LARGE1: variants seen among roughly 807,000 people sequenced by gnomAD.
LARGE1 encodes LARGE xylosyl- and glucuronyltransferase 1, also known as xylosyl- and glucuronyltransferase LARGE1.
Under a neutral mutation model 87.6 loss-of-function variants are expected in LARGE1, and 43 were observed. The ratio of observed to expected loss-of-function variants is 0.49; its 90% confidence interval spans 0.38 to 0.63. The LOEUF (loss-of-function observed/expected upper bound fraction) is 0.63. Among genes scored for constraint, LARGE1 ranks in the 30% least tolerant of loss-of-function variants. The pLI is 0.00. For missense variants in LARGE1, 802 were observed against 1,000.2 expected, an observed-to-expected ratio of 0.80 and a Z score of 2.67; for synonymous variants, 434 against 394.6, an observed-to-expected ratio of 1.10 and a Z score of -1.18.
intron 1 of LARGE1, among the ~76,000 whole-genome samples, 191 bp from the exon 2 acceptor site, chr22:33,761,749 T>A (rs998565216): frequency 6.6e-6 from 1 of 151,860 alleles, no homozygotes; most frequent in Non-Finnish European, 1.5e-5. Flanking sequence ...AATAAGTAAA[T>A]AACAAAAACT....
rs1198405646 is a variant in LARGE1 at position 33,920,455 on chromosome 22, G to A, written c.-543C>T. On this transcript the variant is annotated 5_prime_UTR_variant, in exon 1 of 15. Transcript: ENST00000397394. ...GCTTCGGGCGCCCGGGCTCCGGCGC[G>A]GCGGCGGGGCAGGAGCAGACTGGCC... 2 of 147,756 alleles carry A rather than the reference G, an allele frequency of 1.4e-5. No homozygotes were observed. The highest frequency in any genetic ancestry group is 3.0e-5 in the Non-Finnish European group (2 of 66,604). The allele number at this position is 147,756 out of a possible 1,614,324, so 9.2% of individuals were successfully genotyped here.
In LARGE1 at chr22:33,278,525, T is replaced by G. The variant is rs78144121; in HGVS notation, c.1878-1270A>C. 7.6e-3 allele frequency among the ~76,000 whole-genome samples: 1,154 copies of G among 151,588 alleles called. 15 individuals carry two copies. Among genetic ancestry groups the G allele is most frequent in the African/African-American group, 0.027 (1,098 of 41,094 alleles). On this transcript the variant is annotated intron_variant, in intron 13 of 14. Transcript: ENST00000397394. Reference sequence around the variant, plus strand: ...TAATATTAGTTAACCACTTACTGTGTACTGGGACTATTTTAAATCTCTCTC... The same window carrying G: ...TAATATTAGTTAACCACTTACTGTGGACTGGGACTATTTTAAATCTCTCTC...
At chr22:33,867,490 T>C (rs912291157) in intron 1 of LARGE1, among the ~76,000 whole-genome samples, 2 of 152,204 alleles carry the variant, frequency 1.3e-5, no homozygotes, top group African/African-American at 4.8e-5. Context: ...CGGACTCACC[T>C]GCCGGCCTGA....
At chr22:33,240,675 A>G (rs900050033) in intron 11 of LARGE1, among the ~76,000 whole-genome samples, 4 of 152,186 alleles carry the variant, frequency 2.6e-5, no homozygotes, top group African/African-American at 9.7e-5. Flanking sequence ...TACATTTTAA[A>G]ATAAACTTGT....
At chr22:33,457,767 G>A (rs1226039029) in intron 6 of LARGE1, among the ~76,000 whole-genome samples, 1 of 152,176 alleles carries the variant, frequency 6.6e-6, no homozygotes, top group African/African-American at 2.4e-5. Flanking sequence ...TAAAGAATAA[G>A]TAAGAGTTTA....
chr22:33,705,177 A>G (rs1462705908), intron 2 of LARGE1, among the ~76,000 whole-genome samples: 2 of 152,180 alleles, frequency 1.3e-5, no homozygotes, highest in East Asian at 3.9e-4. Context: ...CACACAATAC[A>G]GCACAACACA....
chr22:33,534,064 G>A (rs1043010773), intron 6 of LARGE1, among the ~76,000 whole-genome samples: 6 of 152,038 alleles, frequency 3.9e-5, no homozygotes, highest in East Asian at 1.9e-4. Context: ...TAGGTGGGCA[G>A]CTTTGAGTGT....
intron 1 of LARGE1, among the ~76,000 whole-genome samples, chr22:33,778,343 CACATA>C (rs1569442304): frequency 6.6e-6 from 1 of 152,188 alleles, no homozygotes; most frequent in Non-Finnish European, 1.5e-5. Flanking sequence ...CAGCAAAATA[CACATA>C]ACATAACATT....
chr22:33,528,725 C>T (rs1314032748), intron 6 of LARGE1, among the ~76,000 whole-genome samples: 2 of 151,998 alleles, frequency 1.3e-5, no homozygotes, highest in Admixed American at 6.6e-5. Context: ...CGGTGGTTAG[C>T]GAGGGAGGGG....
At chr22:33,629,873 G>C (rs566317915) in intron 3 of LARGE1, among the ~76,000 whole-genome samples, 1 of 152,030 alleles carries the variant, frequency 6.6e-6, no homozygotes, top group Non-Finnish European at 1.5e-5. Flanking sequence ...TTCGAGACCC[G>C]CCTGGCCAAC....
At chr22:33,704,109 A>T (rs73402818) in intron 2 of LARGE1, among the ~76,000 whole-genome samples, 5,877 of 152,322 alleles carry the variant, frequency 0.039, 374 homozygotes, top group African/African-American at 0.14. Context: ...GAATGACCAC[A>T]TGTCTAATTA....
chr22:33,487,024 C>G (rs1023854717), intron 6 of LARGE1, among the ~76,000 whole-genome samples: 1 of 152,186 alleles, frequency 6.6e-6, no homozygotes, highest in Non-Finnish European at 1.5e-5. Context: ...TTTTTACATT[C>G]GCTCTGGATG....
At chr22:33,499,848 A>G (rs1035246015) in intron 6 of LARGE1, among the ~76,000 whole-genome samples, 7 of 152,224 alleles carry the variant, frequency 4.6e-5, no homozygotes, top group Non-Finnish European at 5.9e-5. Flanking sequence ...ATCTCGGCTC[A>G]CTGCAACCTC....
In LARGE1 at chr22:33,399,177, C is replaced by T. The variant is rs551148521; in HGVS notation, c.893-14873G>A. On this transcript the variant is annotated intron_variant, in intron 7 of 14. Transcript: ENST00000397394. Reference sequence around the variant, plus strand: ...AGAGGCCCCCATGTGTGATGTTCTGCTCCCTGTGTCCATGTGTTCTCATTG... The same window carrying T: ...AGAGGCCCCCATGTGTGATGTTCTGTTCCCTGTGTCCATGTGTTCTCATTG... Among the ~76,000 whole-genome samples the T allele has an allele frequency of 2.6e-5, 4 of 151,910 alleles. No individual in the cohort carries two copies. The East Asian group carries it at 7.8e-4, about 30-fold the overall frequency.
At chr22:33,130,313 C>T in the LARGE1 span, among the ~76,000 whole-genome samples, 15 of 57,042 alleles carry the variant, frequency 2.6e-4, no homozygotes, top group African/African-American at 4.3e-4. Flanking sequence ...GATTCCGTCT[C>T]AAAAAAAAAA....
intron 11 of LARGE1, among the ~76,000 whole-genome samples, chr22:33,183,831 G>A (rs1001604866): frequency 2.0e-5 from 3 of 151,960 alleles, no homozygotes; most frequent in East Asian, 1.9e-4. Context: ...AGAGTAGAAC[G>A]GTGGTTGTCA....
At chr22:33,576,571 T>G (rs557648893) in intron 5 of LARGE1, among the ~76,000 whole-genome samples, 3 of 152,140 alleles carry the variant, frequency 2.0e-5, no homozygotes, top group Non-Finnish European at 4.4e-5. Context: ...TGCCATAACC[T>G]GTCTATCTGT....
intron 11 of LARGE1, among the ~76,000 whole-genome samples, chr22:33,199,002 C>T (rs187005095): frequency 7.2e-4 from 110 of 152,264 alleles, no homozygotes; most frequent in African/African-American, 2.6e-3. Flanking sequence ...TCTTTCCCAA[C>T]ATGTTGTTTT....
At chr22:33,726,615 A>C (rs751569609) in intron 2 of LARGE1, among the ~76,000 whole-genome samples, 1 of 152,288 alleles carries the variant, frequency 6.6e-6, no homozygotes, top group Middle Eastern at 3.4e-3. Context: ...ATATCTGTGA[A>C]CAGCCACCTG....
Sources: allele counts gnomAD v4.1 joint callset (sites outside exome capture counted in the v4.1 genomes callset), GRCh38; gene constraint gnomAD v4.1.1; transcripts MANE v1.5; gene names NCBI Gene and HGNC (gene_info 2026-07-23, HGNC 2026-07-21).